The following ITPR1 variants were observed in gnomAD, a reference collection of about 807,000 sequenced individuals.
ITPR1 encodes the protein inositol 1,4,5-trisphosphate receptor type 1.
A neutral mutation model predicts 318.4 loss-of-function variants in ITPR1; 96 were observed. The ratio of observed to expected loss-of-function variants is 0.30; its 90% CI spans 0.26 to 0.36. The LOEUF (loss-of-function observed/expected upper bound fraction) is 0.36, where lower values mean the gene tolerates loss of function less well. ITPR1 is among the 10% of genes least tolerant of loss of function. ITPR1 has a pLI of 1.00. For missense variants in ITPR1, 2,440 were observed against 3,460.2 expected (o/e 0.71, Z 7.40); for synonymous variants, 1,312 against 1,289.9 (o/e 1.02, Z -0.37).
At position 4,674,194 on chromosome 3, in the gene ITPR1, C is replaced by T. The variant is rs1217312400; in HGVS notation, c.2457-8C>T. ...ATTTTGTTTCCTTTCTTTCTCCTTT[C>T]TTTTCAGCTATGATAGTAGTGGAGC... On this transcript the variant is annotated splice_region_variant and splice_polypyrimidine_tract_variant and intron_variant, in intron 21 of 61. Transcript: ENST00000649015. 1 of 1,533,618 alleles carries T rather than the reference C, an allele frequency of 6.5e-7. No homozygotes were observed. The highest frequency in any genetic ancestry group is 8.8e-7 in the Non-Finnish European group (1 of 1,142,390).
intron 4 of ITPR1, among the ~76,000 whole-genome samples, chr3:4,597,847 A>G (rs1045662557): frequency 6.6e-6 from 1 of 152,228 alleles, no homozygotes; most frequent in Admixed American, 6.5e-5. Context: ...AGTTTAAAGT[A>G]TACAGAGTCA....
At chr3:4,546,987 A>C (rs2085081437) in intron 4 of ITPR1, among the ~76,000 whole-genome samples, 1 of 152,158 alleles carries the variant, frequency 6.6e-6, no homozygotes, top group South Asian at 2.1e-4. Context: ...CCTGACTAGC[A>C]GTGTGACCTC....
intron 19 of ITPR1, 113 bp downstream of exon 19, chr3:4,669,886 G>C: frequency 3.7e-6 from 4 of 1,083,610 alleles, no homozygotes; most frequent in Non-Finnish European, 2.4e-6. Context: ...AGTCAGTGTG[G>C]CTGGCATTTG....
chr3:4,791,385 C>A (rs978506649), intron 52 of ITPR1, among the ~76,000 whole-genome samples: 14 of 152,228 alleles, frequency 9.2e-5, no homozygotes, highest in African/African-American at 3.1e-4. Context: ...CACCTCAGAT[C>A]ATCAAGCATT....
chr3:4,681,469 C>T (rs1247038257), intron 26 of ITPR1, 51 bp downstream of exon 26: 1 of 1,203,136 alleles, frequency 8.3e-7, no homozygotes. Context: ...TCTTCCAGAG[C>T]TCTCAGAGGC....
intron 59 of ITPR1, 83 bp downstream of exon 59, chr3:4,815,301 C>A: frequency 2.2e-6 from 3 of 1,382,682 alleles, no homozygotes; most frequent in East Asian, 2.4e-5. Context: ...GTGTGATGGG[C>A]GGGGTGCCTG....
chr3:4,743,595 AT>A (rs971451862), intron 44 of ITPR1, among the ~76,000 whole-genome samples: 1 of 152,180 alleles, frequency 6.6e-6, no homozygotes, highest in African/African-American at 2.4e-5. Flanking sequence ...GAGAATGTGC[AT>A]CCTGGTTCAT....
Position 4,814,484 on chromosome 3 carries a change from G to A in ITPR1, c.7623G>A (p.Met2541Ile), listed in dbSNP as rs2049153531. Residue 2541 changes from methionine to isoleucine, a missense_variant, in exon 58 of 62, where the codon ATG becomes ATA. Around this residue, in one of 23 missense-constraint regions of ITPR1, gnomAD observed 88 missense variants for 90.5 expected, o/e 0.97. Coordinates refer to ENST00000649015, the MANE Select transcript of ITPR1 (RefSeq NM_001378452.1). ...DKEHTCETLL[M>I]CIVTVLSHGL... ...AGCACACATGTGAGACGCTGCTGAT[G>A]TGCATTGTCACTGTGCTGAGTCACG... 6.2e-7 allele frequency: 1 copy of A among 1,613,628 alleles called. No homozygotes were observed. Among genetic ancestry groups the A allele is most frequent in the African/African-American group, 1.3e-5 (1 of 74,978 alleles).
At position 4,606,689 on chromosome 3, in the gene ITPR1, G is replaced by C. The variant is rs118159499; in HGVS notation, c.164-21074G>C. On this transcript the variant is annotated intron_variant, in intron 4 of 61. Transcript: ENST00000649015. ...CCTCATGCACTTTACATAAGATAAAGTGAACATAGAGTAGCTACCTGTGGA... is the reference window on the plus strand; with the variant it reads ...CCTCATGCACTTTACATAAGATAAACTGAACATAGAGTAGCTACCTGTGGA... Among the ~76,000 whole-genome samples the C allele has an allele frequency of 1.4e-4, 21 of 152,286 alleles. No individual in the cohort carries two copies. In the East Asian group the frequency reaches 4.0e-3, roughly 29 times the overall value.
chr3:4,710,387 C>G lies in ITPR1; in HGVS notation c.4905C>G (p.Leu1635=). Residue 1635 remains leucine, a synonymous_variant, in exon 38 of 62, where the codon CTC becomes CTG. Transcript: ENST00000649015. This position sits in a 1 kb window ranked among gnomAD's most constrained non-coding sequence, Gnocchi z 4.2. ...RPLVQAELSV[L]VDVLHRPELL... is the part of the protein sequence containing the mutation. ...TGGTGCAGGCAGAGTTATCTGTGCT[C>G]GTGGATGTTCTCCACAGACCCGAGC... is the stretch of plus-strand genomic sequence containing the variant. 1.9e-6 allele frequency: 3 copies of G among 1,564,910 alleles called. No homozygotes were observed. Among genetic ancestry groups the G allele is most frequent in the Non-Finnish European group, 2.6e-6 (3 of 1,153,768 alleles).
chr3:4,781,379 G>GT (rs1311924988), intron 49 of ITPR1, among the ~76,000 whole-genome samples: 1 of 152,174 alleles, frequency 6.6e-6, no homozygotes, highest in African/African-American at 2.4e-5. Flanking sequence ...GTGTTCATTT[G>GT]ATAAGTGTTG....
At chr3:4,567,157 T>C (rs958197773) in intron 4 of ITPR1, among the ~76,000 whole-genome samples, 9 of 152,216 alleles carry the variant, frequency 5.9e-5, no homozygotes, top group Non-Finnish European at 1.2e-4. Context: ...GTGTGGTCTG[T>C]AATGTGTTCA....
At chr3:4,620,688 T>TG (rs2092594856) in intron 4 of ITPR1, among the ~76,000 whole-genome samples, 1 of 150,924 alleles carries the variant, frequency 6.6e-6, no homozygotes, top group Non-Finnish European at 1.5e-5. Context: ...GGGTTTTTTT[T>TG]TTTTTTTTTT....
intron 42 of ITPR1, among the ~76,000 whole-genome samples, chr3:4,730,028 C>T (rs539442364): frequency 4.3e-4 from 65 of 150,780 alleles, no homozygotes; most frequent in African/African-American, 1.6e-3. Context: ...ATTAGGAAAG[C>T]TTTTCTCTGC....
chr3:4,708,696 G>A (rs540580772), intron 37 of ITPR1, among the ~76,000 whole-genome samples: 5 of 152,206 alleles, frequency 3.3e-5, no homozygotes, highest in South Asian at 2.1e-4. Context: ...AATGAAACGC[G>A]TAGGTGGGCA....
At chr3:4,777,590 G>C (rs1284901440) in intron 48 of ITPR1, among the ~76,000 whole-genome samples, 2 of 152,190 alleles carry the variant, frequency 1.3e-5, no homozygotes, top group Non-Finnish European at 2.9e-5. Flanking sequence ...CTTCTGAACT[G>C]TTAGGTCACA....
intron 44 of ITPR1, among the ~76,000 whole-genome samples, chr3:4,746,805 G>T (rs146912453): frequency 2.0e-5 from 3 of 152,152 alleles, no homozygotes; most frequent in Non-Finnish European, 4.4e-5. Flanking sequence ...TTAACACATC[G>T]TAACAGCTCA....
At chr3:4,650,605 T>TTGTG (rs752768399) in intron 10 of ITPR1, among the ~76,000 whole-genome samples, 23,219 of 132,928 alleles carry the variant, frequency 0.17, 2,779 homozygotes, top group East Asian at 0.31. Context: ...TGATATGCCT[T>TTGTG]AGTGTGTGTG....
chr3:4,565,966 G>T (rs1268378413), intron 4 of ITPR1, among the ~76,000 whole-genome samples: 1 of 152,158 alleles, frequency 6.6e-6, no homozygotes, highest in Admixed American at 6.5e-5. Context: ...TAAGGTTTGT[G>T]CCAGGAAGTT....
Sources: gnomAD v4.1 joint callset for allele counts (sites outside exome capture counted in the v4.1 genomes callset) on GRCh38, gnomAD v4.1.1 for gene constraint, gnomAD v4.1.1 regional missense constraint, Gnocchi (gnomAD v3.1) non-coding constraint, MANE v1.5 for transcripts, NCBI Gene and HGNC (gene_info 2026-07-23, HGNC 2026-07-21) for gene names.